OR2V1: variants seen among roughly 807,000 people sequenced by gnomAD.
OR2V1 encodes olfactory receptor family 2 subfamily V member 1.
In OR2V1, 18 loss-of-function variants were observed where a neutral mutation model predicts 15.0. The observed-to-expected ratio is 1.20, with a 90% CI of 0.83 to 1.78. The LOEUF (loss-of-function observed/expected upper bound fraction) is 1.78. Among genes scored for constraint, OR2V1 ranks in the 40% most tolerant of loss-of-function variants. The pLI is 0.00. For missense variants in OR2V1, 359 were observed against 392.9 expected, an observed-to-expected ratio of 0.91 and a Z score of 0.73; for synonymous variants, 144 against 146.1, an observed-to-expected ratio of 0.99 and a Z score of 0.10.
At position 181,124,710 on chromosome 5, in the gene OR2V1, G is replaced by A. The variant is rs1561622707; in HGVS notation, c.595C>T (p.Leu199Phe). Reference protein sequence around the residue: ...ACADTSLFDTLLFACCVFMLL... With the variant: ...ACADTSLFDTFLFACCVFMLL... ...ATGAAGACACAGCAAGCAAAGAGGA[G>A]GGTGTCAAAAAGGGAAGTGTCTGCA... Residue 199 changes from leucine to phenylalanine, a missense_variant, in exon 4 of 4, where the codon CTC becomes TTC. Physicochemically the swap from Leu to Phe is conservative, Grantham distance 22. Coordinates refer to ENST00000641551, the MANE Select transcript of OR2V1 (RefSeq NM_001258283.2). 2.5e-6 allele frequency: 4 copies of A among 1,612,026 alleles called. No homozygotes were observed. The highest frequency in any genetic ancestry group is 2.5e-6 in the Non-Finnish European group (3 of 1,179,962).
intron 3 of OR2V1, among the ~76,000 whole-genome samples, chr5:181,125,576 A>G (rs943878903): frequency 2.6e-5 from 4 of 152,250 alleles, no homozygotes; most frequent in African/African-American, 9.6e-5. Context: ...TGGCCAGCAA[A>G]GCCCAGGCTT....
In OR2V1 at chr5:181,125,203, C is replaced by T. The variant is rs554971510; in HGVS notation, c.102G>A (p.Val34=). ...TDLVLFSAVM[V]VFTVALCGNV... ...TCCCACAGAGGGCCACTGTGAAGAC[C>T]ACCATAACTGCAGAGAAGAGGACAA... Residue 34 remains valine (V), a synonymous_variant, in exon 4 of 4, where the codon GTG becomes GTA. Coordinates refer to ENST00000641551, the MANE Select transcript of OR2V1 (RefSeq NM_001258283.2). 3 of 1,614,108 alleles carry T rather than the reference C, an allele frequency of 1.9e-6. No individual in the cohort carries two copies. Among genetic ancestry groups the T allele is most frequent in the Non-Finnish European group, 2.5e-6 (3 of 1,180,038 alleles).
At position 181,124,138 on chromosome 5, in the gene OR2V1, T is replaced by A. The variant is rs1762840025; in HGVS notation, c.*219A>T. The A allele has an allele frequency of 2.4e-6, 1 of 412,492 alleles. No individual in the cohort carries two copies. The allele number at this position is 412,492 out of a possible 1,614,324, so 25.6% of individuals were successfully genotyped here. The stretch of plus-strand genomic sequence containing the variant: ...GGAGCTTTAGATTGACACATTGTGA[T>A]CTTTACAAAATCCCTCAGAGCACGA... On this transcript the variant is annotated 3_prime_UTR_variant, in exon 4 of 4. Transcript: ENST00000641551.
intron 3 of OR2V1, among the ~76,000 whole-genome samples, chr5:181,126,735 TACACAC>T (rs149308949): frequency 2.2e-5 from 3 of 137,318 alleles, no homozygotes; most frequent in Admixed American, 1.4e-4. Context: ...CACAGAGACA[TACACAC>T]ACACACACAG....
At chr5:181,127,657 C>T (rs887723951) in intron 3 of OR2V1, among the ~76,000 whole-genome samples, 5 of 152,120 alleles carry the variant, frequency 3.3e-5, no homozygotes, top group Admixed American at 6.5e-5. Flanking sequence ...TGTCCTGGTT[C>T]ATGCCCAGGA....
At chr5:181,125,573 C>T (rs889711281) in intron 3 of OR2V1, among the ~76,000 whole-genome samples, 4 of 152,258 alleles carry the variant, frequency 2.6e-5, no homozygotes, top group African/African-American at 9.6e-5. Flanking sequence ...TTTTGGCCAG[C>T]AAAGCCCAGG....
intron 3 of OR2V1, among the ~76,000 whole-genome samples, chr5:181,126,523 C>T (rs1055618722): frequency 2.0e-5 from 3 of 151,664 alleles, no homozygotes; most frequent in African/African-American, 7.3e-5. Flanking sequence ...TAGACACACA[C>T]ACAGACACAT....
intron 3 of OR2V1, among the ~76,000 whole-genome samples, chr5:181,126,853 C>T (rs1394506635): frequency 6.6e-6 from 1 of 152,248 alleles, no homozygotes; most frequent in East Asian, 1.9e-4. Context: ...GCACGTCCCT[C>T]TGAGGTCCCC....
rs750057732 is a variant in OR2V1, at chr5:181,124,186, C to A, written c.*171G>T. ...CGAGTGTCCTGATTATCTTTTTTTC[C>A]TTTTTTTTTGGTACAGAAATGTTCA... On this transcript the variant is annotated 3_prime_UTR_variant, in exon 4 of 4. Coordinates refer to ENST00000641551, the MANE Select transcript of OR2V1 (RefSeq NM_001258283.2). 9.3e-5 allele frequency: 49 copies of A among 527,432 alleles called. No individual in the cohort carries two copies. The highest frequency in any genetic ancestry group is 1.3e-4 in the Non-Finnish European group (43 of 331,428). 32.7% of individuals were successfully genotyped at this position (527,432 alleles called of 1,614,324 possible). A position where few individuals can be genotyped will look rare whatever the true frequency, so the allele number is the denominator to read the frequency against.
intron 3 of OR2V1, among the ~76,000 whole-genome samples, chr5:181,127,218 G>C (rs1438519298): frequency 6.6e-6 from 1 of 152,182 alleles, no homozygotes. Context: ...ATGGTGCCTG[G>C]CTCATAGCGG....
At chr5:181,130,262 G>A in intron 1 of OR2V1, 47 bp from the exon 2 acceptor site, 1 of 355,528 alleles carries the variant, frequency 2.8e-6, no homozygotes. Flanking sequence ...ATCCTCCTGT[G>A]TTTGCTCCCA....
chr5:181,124,590 G>A lies in OR2V1; in HGVS notation c.715C>T (p.Leu239=), dbSNP rs753755739. Residue 239 remains leucine (L), a synonymous_variant, in exon 4 of 4, where the codon CTG becomes TTG. Transcript: ENST00000641551. ...IRSAQAWKKA[L]ATCSSHLTAV... is the part of the protein sequence containing the mutation. ...GTTAGGTGGGAGGAGCAGGTGGCCA[G>A]GGCTTTTTTCCAGGCCTGAGCAGAG... 2.5e-6 allele frequency: 4 copies of A among 1,612,922 alleles called. No individual in the cohort carries two copies. The East Asian group carries it at 8.9e-5, about 36-fold the overall frequency.
Position 181,123,932 on chromosome 5 carries a change from C to T in OR2V1, c.*425G>A, listed in dbSNP as rs536860749. The stretch of plus-strand genomic sequence containing the variant: ...AGAAAGAATAGAAAAGGAACAGGAA[C>T]CTAGAACTTAGTAAGCATCCAATAA... On this transcript the variant is annotated 3_prime_UTR_variant, in exon 4 of 4. Coordinates refer to ENST00000641551, the MANE Select transcript of OR2V1 (RefSeq NM_001258283.2). 2.6e-5 allele frequency: 4 copies of T among 154,434 alleles called. No homozygotes were observed. The highest frequency in any genetic ancestry group is 9.6e-5 in the African/African-American group (4 of 41,524). 9.6% of individuals were successfully genotyped at this position (154,434 alleles called of 1,614,324 possible). A position where few individuals can be genotyped will look rare whatever the true frequency, so the allele number is the denominator to read the frequency against.
rs1762855414 is a variant in OR2V1, at chr5:181,125,035, C to T, written c.270G>A (p.Arg90=). Residue 90 remains arginine (R), a synonymous_variant, in exon 4 of 4, where the codon AGG becomes AGA. Transcript: ENST00000641551. ...CACAGCCCACAAAGGAGATGGACTT[C>T]CTGCCAGACAGGAAGTTGGCTGCCA... The part of the protein sequence containing the change: ...PKMAANFLSG[R]KSISFVGCGI... The T allele has an allele frequency of 7.4e-6, 12 of 1,614,084 alleles. No homozygotes were observed. The African/African-American group carries it at 9.3e-5, about 13-fold the overall frequency.
Position 181,124,266 on chromosome 5 carries a change from A to T in OR2V1, c.*91T>A. 3 of 1,204,278 alleles carry T rather than the reference A, an allele frequency of 2.5e-6. No homozygotes were observed. The highest frequency in any genetic ancestry group is 3.4e-6 in the Non-Finnish European group (3 of 891,990). 74.6% of individuals were successfully genotyped at this position (1,204,278 alleles called of 1,614,324 possible). On this transcript the variant is annotated 3_prime_UTR_variant, in exon 4 of 4. Transcript: ENST00000641551. ...TATAAACCATCCAATGACCATCAAC[A>T]GGTGAATGGAAACAGACACTCACAA...
In OR2V1 at chr5:181,124,310, A is replaced by G. The variant is rs1762841794; in HGVS notation, c.*47T>C. The G allele has an allele frequency of 6.9e-7, 1 of 1,457,174 alleles. No homozygotes were observed. The highest frequency in any genetic ancestry group is 1.5e-5 in the South Asian group (1 of 67,140). The allele number at this position is 1,457,174 out of a possible 1,614,324, so 90.3% of individuals were successfully genotyped here. ...CTCACAAAGGTTGAGTGACTTCCCA[A>G]TGTGACACAGGCAAGAAGGGGCACA... On this transcript the variant is annotated 3_prime_UTR_variant, in exon 4 of 4. Transcript: ENST00000641551.
intron 2 of OR2V1, among the ~76,000 whole-genome samples, chr5:181,129,939 A>C (rs1161374449): frequency 1.3e-5 from 2 of 152,196 alleles, no homozygotes; most frequent in African/African-American, 4.8e-5. Context: ...CACCAAGGAA[A>C]GAGAGAGAGG....
At chr5:181,129,078 A>C (rs1762926550) in intron 3 of OR2V1, among the ~76,000 whole-genome samples, 1 of 152,162 alleles carries the variant, frequency 6.6e-6, no homozygotes, top group South Asian at 2.1e-4. Flanking sequence ...AAAAACAGAG[A>C]AAATTAGCCA....
chr5:181,127,619 T>C (rs2113328533), intron 3 of OR2V1, among the ~76,000 whole-genome samples: 1 of 152,262 alleles, frequency 6.6e-6, no homozygotes, highest in Admixed American at 6.5e-5. Context: ...AGATGGCTGC[T>C]TGATCTGTGG....
Sources: gnomAD v4.1 joint callset for allele counts (sites outside exome capture counted in the v4.1 genomes callset) on GRCh38, gnomAD v4.1.1 for gene constraint, MANE v1.5 for transcripts, NCBI Gene and HGNC (gene_info 2026-07-23, HGNC 2026-07-21) for gene names.